Variants in ACSS3 observed in about 807,000 individuals in gnomAD.
ACSS3 encodes the protein acyl-CoA synthetase short chain family member 3.
A neutral mutation model predicts 84.2 loss-of-function variants in ACSS3; 64 were observed. That is an observed-to-expected ratio of 0.76 (90% CI 0.62 to 0.94). The LOEUF (loss-of-function observed/expected upper bound fraction) is 0.94. Ranked by LOEUF, ACSS3 falls within the 40% of genes least tolerant of loss-of-function variation. The pLI is 0.00. For synonymous variants in ACSS3, 317 were observed against 310.1 expected, an observed-to-expected ratio of 1.02 and a Z score of -0.23; for missense variants, 815 against 867.6, an observed-to-expected ratio of 0.94 and a Z score of 0.76.
rs2034348557 is a variant in ACSS3, at chr12:81,257,555, G to A, written c.*2633G>A. On this transcript the variant is annotated 3_prime_UTR_variant, in exon 16 of 16. Transcript: ENST00000548058. ...TCTTACTGTTAAGTTATTGGAAAAT[G>A]AAAATATAAAGTGCTTTCAGAAGTT... 6.6e-6 allele frequency: 1 copy of A among 152,080 alleles called. No individual in the cohort carries two copies. The highest frequency in any genetic ancestry group is 6.6e-5 in the Admixed American group (1 of 15,246). 9.4% of individuals were successfully genotyped at this position (152,080 alleles called of 1,614,324 possible).
chr12:81,248,765 AC>A (rs2136009483), intron 13 of ACSS3, among the ~76,000 whole-genome samples: 1 of 152,096 alleles, frequency 6.6e-6, no homozygotes, highest in Admixed American at 6.6e-5. Context: ...TACCTTAAGT[AC>A]CCTGAATTGA....
At chr12:81,218,047 C>T (rs2032984711) in intron 10 of ACSS3, among the ~76,000 whole-genome samples, 1 of 152,020 alleles carries the variant, frequency 6.6e-6, no homozygotes, top group African/African-American at 2.4e-5. Context: ...AGTCACATAA[C>T]TTTTTGAACA....
At chr12:81,180,256 T>A (rs548374429) in intron 8 of ACSS3, among the ~76,000 whole-genome samples, 1 of 152,122 alleles carries the variant, frequency 6.6e-6, no homozygotes, top group Non-Finnish European at 1.5e-5. Flanking sequence ...AAATACTACT[T>A]CTCAGGTACT....
chr12:81,138,667 T>A (rs1453431476), intron 3 of ACSS3, among the ~76,000 whole-genome samples: 1 of 152,078 alleles, frequency 6.6e-6, no homozygotes, highest in Admixed American at 6.6e-5. Flanking sequence ...TGAGAAAAAA[T>A]TATTATAAAT....
chr12:81,202,078 G>T (rs1416830088), intron 9 of ACSS3, among the ~76,000 whole-genome samples: 1 of 152,024 alleles, frequency 6.6e-6, no homozygotes, highest in Non-Finnish European at 1.5e-5. Flanking sequence ...AGGAGTTCGA[G>T]ACCAGCCTGA....
At chr12:81,128,218 G>A (rs577076983) in intron 2 of ACSS3, among the ~76,000 whole-genome samples, 2 of 151,706 alleles carry the variant, frequency 1.3e-5, no homozygotes, top group East Asian at 3.9e-4. Context: ...TTGGTGTAAG[G>A]ACCAACCATT....
chr12:81,079,447 GC>G (rs1880832688), intron 1 of ACSS3, among the ~76,000 whole-genome samples: 1 of 152,304 alleles, frequency 6.6e-6, no homozygotes, highest in South Asian at 2.1e-4. Context: ...GGTCAGGTTT[GC>G]AGTGGACGAA....
At chr12:81,132,282 A>G (rs540172916) in intron 2 of ACSS3, among the ~76,000 whole-genome samples, 3 of 152,212 alleles carry the variant, frequency 2.0e-5, no homozygotes, top group South Asian at 2.1e-4. Context: ...TTGGTAGGCT[A>G]TTAATTGTTG....
intron 1 of ACSS3, among the ~76,000 whole-genome samples, chr12:81,098,618 T>C (rs1476936150): frequency 6.6e-6 from 1 of 152,234 alleles, no homozygotes; most frequent in Non-Finnish European, 1.5e-5. Context: ...CATAGCATTG[T>C]CTTGATACAA....
rs954631788 is a variant in ACSS3, at chr12:81,255,709, A to G, written c.*787A>G. 1 of 152,304 alleles carries G rather than the reference A, an allele frequency of 6.6e-6. No homozygotes were observed. Among genetic ancestry groups the G allele is most frequent in the Non-Finnish European group, 1.5e-5 (1 of 68,146 alleles). 9.4% of individuals were successfully genotyped at this position (152,304 alleles called of 1,614,324 possible). On this transcript the variant is annotated 3_prime_UTR_variant, in exon 16 of 16. Coordinates refer to ENST00000548058, the MANE Select transcript of ACSS3 (RefSeq NM_024560.4). The stretch of plus-strand genomic sequence containing the variant: ...GTGGCGGGAGGCTGAGGCAAGGAGA[A>G]TCACTTGAATACAAGAGGCAGAGGT...
At chr12:81,115,389 G>A (rs1883954261) in intron 2 of ACSS3, among the ~76,000 whole-genome samples, 1 of 152,072 alleles carries the variant, frequency 6.6e-6, no homozygotes. Flanking sequence ...ATTGCATTGT[G>A]ATTTAATTTT....
Position 81,174,794 on chromosome 12 carries a change from C to G in ACSS3, c.1105C>G (p.Pro369Ala), listed in dbSNP as rs1436908832. The stretch of plus-strand genomic sequence containing the variant: ...TAAATGAATCTCATTGTAGGGGAAG[C>G]CTGTGGGAACACCAGATGCTGGCGC... ...GNTTVLYEGK[P>A]VGTPDAGAYF... Residue 369 changes from proline to alanine, a missense_variant, in exon 8 of 16, where the codon CCT becomes GCT. By Grantham distance (27) the Pro-to-Ala change is conservative (BLOSUM62 -1). Transcript: ENST00000548058. 1.2e-6 allele frequency: 2 copies of G among 1,612,412 alleles called. No homozygotes were observed. Among genetic ancestry groups the G allele is most frequent in the East Asian group, 2.2e-5 (1 of 44,870 alleles).
intron 13 of ACSS3, among the ~76,000 whole-genome samples, chr12:81,248,762 A>C (rs1245808535): frequency 6.6e-6 from 1 of 152,010 alleles, no homozygotes; most frequent in Non-Finnish European, 1.5e-5. Flanking sequence ...GGATACCTTA[A>C]GTACCCTGAA....
At chr12:81,245,301 A>G (rs2033947578) in intron 13 of ACSS3, among the ~76,000 whole-genome samples, 1 of 152,140 alleles carries the variant, frequency 6.6e-6, no homozygotes, top group Non-Finnish European at 1.5e-5. Flanking sequence ...CTCTACTAAA[A>G]AATACAAAAA....
intron 3 of ACSS3, among the ~76,000 whole-genome samples, chr12:81,137,794 TG>T (rs200866571): frequency 0.016 from 2,457 of 152,300 alleles, 77 homozygotes; most frequent in African/African-American, 0.056. Flanking sequence ...GAGCTATTTT[TG>T]TGAGTATTAT....
intron 13 of ACSS3, among the ~76,000 whole-genome samples, chr12:81,233,676 G>T (rs1359253716): frequency 6.6e-6 from 1 of 151,632 alleles, no homozygotes; most frequent in Non-Finnish European, 1.5e-5. Flanking sequence ...TGGTAGTGAA[G>T]AGTTTTAAAC....
intron 9 of ACSS3, among the ~76,000 whole-genome samples, chr12:81,216,602 T>C (rs1483038162): frequency 6.6e-6 from 1 of 152,156 alleles, no homozygotes; most frequent in East Asian, 1.9e-4. Context: ...CACATAATTT[T>C]CCATTCTACA....
At chr12:81,085,622 CGA>C (rs1881260260) in intron 1 of ACSS3, among the ~76,000 whole-genome samples, 2 of 152,052 alleles carry the variant, frequency 1.3e-5, no homozygotes, top group Non-Finnish European at 2.9e-5. Flanking sequence ...GGAACTGTTC[CGA>C]AGGCAGGTTG....
At chr12:81,238,116 T>G (rs995706036) in intron 13 of ACSS3, among the ~76,000 whole-genome samples, 1 of 151,812 alleles carries the variant, frequency 6.6e-6, no homozygotes, top group African/African-American at 2.4e-5. Flanking sequence ...TGTACTGATA[T>G]GATCATGTAA....
Sources: allele counts gnomAD v4.1 joint callset (sites outside exome capture counted in the v4.1 genomes callset), GRCh38; gene constraint gnomAD v4.1.1; transcripts MANE v1.5; gene names NCBI Gene and HGNC (gene_info 2026-07-23, HGNC 2026-07-21).